MTRR: variants seen among roughly 807,000 people sequenced by gnomAD.
The protein encoded by MTRR is methionine synthase reductase.
Under a neutral mutation model 79.2 loss-of-function variants are expected in MTRR, and 63 were observed. The ratio of observed to expected loss-of-function variants is 0.80; its 90% CI spans 0.65 to 0.98. The LOEUF is 0.98. Among genes scored for constraint, MTRR ranks in the 50% least tolerant of loss-of-function variants. The pLI is 0.00. For synonymous variants in MTRR, 355 were observed against 313.3 expected (o/e 1.13, Z -1.41); for missense variants, 895 against 839.6 (o/e 1.07, Z -0.82).
intron 5 of MTRR, among the ~76,000 whole-genome samples, chr5:7,881,048 G>A (rs997971055): frequency 6.6e-6 from 1 of 152,126 alleles, no homozygotes; most frequent in Non-Finnish European, 1.5e-5. Flanking sequence ...TGGGTTGCAG[G>A]TCTGGAAACA....
chr5:7,889,310 G>A (rs775969393), intron 9 of MTRR, 35 bp downstream of exon 9: 2 of 1,611,588 alleles, frequency 1.2e-6, no homozygotes, highest in Non-Finnish European at 1.7e-6. Context: ...CTTGGTGGCT[G>A]TTCGTGCACT....
chr5:7,858,746 G>C (rs1211273883), intron 1 of MTRR, among the ~76,000 whole-genome samples: 1 of 151,770 alleles, frequency 6.6e-6, no homozygotes, highest in East Asian at 2.0e-4. Flanking sequence ...ACTCCAGTCG[G>C]CTCTCTTGTC....
chr5:7,897,113 G>A lies in MTRR; in HGVS notation c.1818G>A (p.Lys606=), dbSNP rs939239779. The A allele has an allele frequency of 1.9e-6, 3 of 1,614,008 alleles. No homozygotes were observed. Among genetic ancestry groups the A allele is most frequent in the Non-Finnish European group, 2.5e-6 (3 of 1,180,042 alleles). Residue 606 remains lysine, a synonymous_variant, in exon 14 of 15, where the codon AAG becomes AAA. Coordinates refer to ENST00000440940, the MANE Select transcript of MTRR (RefSeq NM_002454.3). ...FLKHGILTHL[K]VSFSRDAPVG... is the part of the protein sequence containing the mutation. ...AGCATGGGATCTTAACTCATCTAAA[G>A]GTTTCCTTCTCAAGAGATGCTCCTG...
chr5:7,888,532 G>A (rs531363121), intron 8 of MTRR, among the ~76,000 whole-genome samples: 1 of 152,050 alleles, frequency 6.6e-6, no homozygotes, highest in Admixed American at 6.5e-5. Flanking sequence ...GGAGGAACAC[G>A]TGTAATTTGT....
intron 4 of MTRR, 28 bp downstream of exon 4, chr5:7,875,403 A>C: frequency 6.6e-7 from 1 of 1,508,760 alleles, no homozygotes; most frequent in Non-Finnish European, 9.2e-7. Context: ...TGTTTACTCC[A>C]ATAAGCCCTC....
upstream of MTRR, chr5:7,869,065 A>T (rs1385161580): frequency 1.3e-6 from 2 of 1,566,028 alleles, no homozygotes; most frequent in Non-Finnish European, 1.8e-6. Context: ...CGGGAGCACG[A>T]CTCAGGGCGG....
chr5:7,900,104 A>G lies in MTRR; in HGVS notation c.*46A>G. 6.2e-7 allele frequency: 1 copy of G among 1,604,594 alleles called. No individual in the cohort carries two copies. The highest frequency in any genetic ancestry group is 8.5e-7 in the Non-Finnish European group (1 of 1,176,362). On this transcript the variant is annotated 3_prime_UTR_variant, in exon 15 of 15. Coordinates refer to ENST00000440940, the MANE Select transcript of MTRR (RefSeq NM_002454.3). ...GGATTAAGCTTTTTTGACTGAAAGT[A>G]CTAAAAGTCAGCTTTACTAGTGCCA...
intron 1 of MTRR, among the ~76,000 whole-genome samples, chr5:7,860,251 A>G (rs1042455213): frequency 6.6e-6 from 1 of 152,322 alleles, no homozygotes; most frequent in East Asian, 1.9e-4. Flanking sequence ...ATGAAACCAC[A>G]GTGCTGCCTA....
upstream of MTRR, chr5:7,868,919 C>CG (rs1747300949): frequency 1.6e-6 from 1 of 627,648 alleles, no homozygotes; most frequent in African/African-American, 1.8e-5. Flanking sequence ...AGGAGAAAGC[C>CG]GGCCAGGTCT....
intron 4 of MTRR, among the ~76,000 whole-genome samples, chr5:7,877,403 C>G (rs1443846083): frequency 6.8e-6 from 1 of 146,650 alleles, no homozygotes; most frequent in African/African-American, 2.5e-5. Context: ...AAGGCTTTAA[C>G]TATTTATTTA....
At chr5:7,854,509 C>T (rs963255083) in intron 1 of MTRR, among the ~76,000 whole-genome samples, 4 of 152,094 alleles carry the variant, frequency 2.6e-5, no homozygotes, top group Non-Finnish European at 2.9e-5. Flanking sequence ...TTCCACATGG[C>T]TAGGGAGGCC....
chr5:7,882,003 A>C lies in MTRR; in HGVS notation c.781-1152A>C, dbSNP rs954895546. On this transcript the variant is annotated intron_variant, in intron 5 of 14. Transcript: ENST00000440940. Reference sequence around the variant, plus strand: ...ATGATCCAGCTCTAGACTCCATTTTAGCATCTTTCCCAGGCTACCCTGGCA... The same window carrying C: ...ATGATCCAGCTCTAGACTCCATTTTCGCATCTTTCCCAGGCTACCCTGGCA... Among the ~76,000 whole-genome samples the C allele has an allele frequency of 5.9e-5, 9 of 152,300 alleles. No individual in the cohort carries two copies. In the East Asian group the frequency reaches 1.4e-3, roughly 23 times the overall value.
chr5:7,897,019 T>C, intron 13 of MTRR, 46 bp from the exon 14 acceptor site: 1 of 1,613,068 alleles, frequency 6.2e-7, no homozygotes, highest in East Asian at 2.2e-5. Context: ...CTCAGACTTT[T>C]TCAGCTTGAC....
intron 1 of MTRR, chr5:7,861,607 G>A (rs1245598112): frequency 6.2e-7 from 1 of 1,604,892 alleles, no homozygotes; most frequent in East Asian, 2.2e-5. Flanking sequence ...TTCATTAGCT[G>A]TGGATGGCAA....
chr5:7,861,604 G>T (rs773495015), intron 1 of MTRR: 1 of 1,602,252 alleles, frequency 6.2e-7, no homozygotes, highest in Non-Finnish European at 8.5e-7. Context: ...ATCTTCATTA[G>T]CTGTGGATGG....
chr5:7,897,319 G>A (rs1004761752), intron 14 of MTRR, 72 bp downstream of exon 14: 13 of 1,470,796 alleles, frequency 8.8e-6, no homozygotes, highest in East Asian at 4.5e-5. Context: ...AAAAAGGACC[G>A]AGAAGCCAAT....
At chr5:7,862,902 C>G (rs1746660144) in intron 2 of MTRR, 3 of 1,613,946 alleles carry the variant, frequency 1.9e-6, no homozygotes, top group African/African-American at 2.7e-5. Flanking sequence ...GCCCAATCTT[C>G]ACATATCTAT....
At chr5:7,855,586 C>T (rs1746222137) in intron 1 of MTRR, among the ~76,000 whole-genome samples, 1 of 151,992 alleles carries the variant, frequency 6.6e-6, no homozygotes, top group Admixed American at 6.5e-5. Context: ...TAGCTCCTGG[C>T]CTCAAGTAAT....
intron 1 of MTRR, among the ~76,000 whole-genome samples, chr5:7,857,097 G>A (rs982144437): frequency 1.3e-5 from 2 of 152,118 alleles, no homozygotes; most frequent in Non-Finnish European, 2.9e-5. Flanking sequence ...GACTATCACT[G>A]TTGCTGCAGG....
Sources: gnomAD v4.1 joint callset for allele counts (sites outside exome capture counted in the v4.1 genomes callset) on GRCh38, gnomAD v4.1.1 for gene constraint, MANE v1.5 for transcripts, NCBI Gene and HGNC (gene_info 2026-07-23, HGNC 2026-07-21) for gene names.